The following NPHS2 variants were observed in gnomAD, a reference collection of about 807,000 sequenced individuals.
The protein encoded by NPHS2 is podocin.
A neutral mutation model predicts 37.1 loss-of-function variants in NPHS2; 36 were observed. That is an observed-to-expected ratio of 0.97 (90% CI 0.74 to 1.28). The LOEUF (loss-of-function observed/expected upper bound fraction) is 1.28, where lower values mean the gene tolerates loss of function less well. NPHS2 is among the 50% of genes most tolerant of loss of function. The probability of loss-of-function intolerance (pLI) is 0.00; values close to 1 mark genes in which losing one functional copy is unlikely to be tolerated. For missense variants in NPHS2, 447 were observed against 488.1 expected (o/e 0.92, Z 0.79); for synonymous variants, 196 against 189.3 (o/e 1.04, Z -0.29).
Position 179,557,209 on chromosome 1 carries a change from T to G in NPHS2, c.556A>C (p.Ile186Leu). The G allele has an allele frequency of 6.2e-7, 1 of 1,614,060 alleles. No homozygotes were observed. ...TAGCAAATGGCATCTATCTCCATTATAAACATGTCTTTGGTCACGATCTAG... is the reference window on the plus strand; with the variant it reads ...TAGCAAATGGCATCTATCTCCATTAGAAACATGTCTTTGGTCACGATCTAG... Reference protein sequence around the residue: ...FHEIVTKDMFIMEIDAICYYR... With the variant: ...FHEIVTKDMFLMEIDAICYYR... Residue 186 changes from isoleucine to leucine, a missense_variant, in exon 5 of 8, where the codon ATA becomes CTA. Transcript: ENST00000367615.
chr1:179,557,609 C>T (rs920383039), intron 4 of NPHS2, among the ~76,000 whole-genome samples: 5 of 152,274 alleles, frequency 3.3e-5, no homozygotes, highest in African/African-American at 4.8e-5. Context: ...TTAGGGGATG[C>T]TTTGATGATA....
At position 179,560,315 on chromosome 1, in the gene NPHS2, A is replaced by G. The variant is rs954913673; in HGVS notation, c.452-554T>C. Among the ~76,000 whole-genome samples, 4 of 152,200 alleles carry G rather than the reference A, an allele frequency of 2.6e-5. No homozygotes were observed. The South Asian group carries it at 6.2e-4, about 24-fold the overall frequency. On this transcript the variant is annotated intron_variant, in intron 3 of 7. Transcript: ENST00000367615. ...ATATAATATATAGGATCAATGTGCA[A>G]TAAACATTTGTAGATTGATTTATTG...
In NPHS2 at chr1:179,556,259, A is replaced by T. The variant is rs983203652; in HGVS notation, c.738+768T>A. ...CTCCTTCCAACTACCATGGTTCACA[A>T]CCTCCTAACCCAGTTCTGGGCCTGG... On this transcript the variant is annotated intron_variant, in intron 5 of 7. Coordinates refer to ENST00000367615, the MANE Select transcript of NPHS2 (RefSeq NM_014625.4). The surrounding 1 kb of genome is among the most constrained non-coding windows in gnomAD (Gnocchi z 4.1). Among the ~76,000 whole-genome samples the T allele has an allele frequency of 2.6e-5, 4 of 152,114 alleles. No individual in the cohort carries two copies. The highest frequency in any genetic ancestry group is 9.7e-5 in the African/African-American group (4 of 41,418).
intron 1 of NPHS2, among the ~76,000 whole-genome samples, chr1:179,566,805 G>C (rs538731599): frequency 3.9e-5 from 6 of 152,174 alleles, no homozygotes; most frequent in East Asian, 1.9e-4. Context: ...TTCCCAGCAC[G>C]ATTTATTAAA....
chr1:179,572,173 G>A (rs867525910), intron 1 of NPHS2, among the ~76,000 whole-genome samples: 2 of 152,018 alleles, frequency 1.3e-5, no homozygotes, highest in Admixed American at 6.6e-5. Flanking sequence ...GCTGTAGACC[G>A]GAGCTGTTCC....
chr1:179,554,854 A>G, intron 5 of NPHS2: 1 of 396,486 alleles, frequency 2.5e-6, no homozygotes, highest in Non-Finnish European at 4.6e-6. Flanking sequence ...GGCTCTTGAG[A>G]TGGGGATATT....
intron 4 of NPHS2, 34 bp downstream of exon 4, chr1:179,559,633 ACCATGGAAAATG>A: frequency 8.2e-7 from 1 of 1,225,900 alleles, no homozygotes; most frequent in Non-Finnish European, 1.2e-6. Context: ...CGGTAGGTAG[ACCATGGAAAATG>A]TATAGAGAAA....
chr1:179,558,717 C>CCAATTTGTCTACATCCTCTT (rs1405001469), intron 4 of NPHS2, among the ~76,000 whole-genome samples: 3 of 152,084 alleles, frequency 2.0e-5, no homozygotes, highest in Non-Finnish European at 2.9e-5. Flanking sequence ...CACGAGGGTT[C>CCAATTTGTCTACATCCTCTT]CAATTTGTCT....
Position 179,575,896 on chromosome 1 carries a change from C to A in NPHS2, c.-32G>T. ...AGCTGCCGGGCGGCTGGAGCAGCAG[C>A]GCGGGAGCGCTAGGGGCACGGGAGC... On this transcript the variant is annotated 5_prime_UTR_variant, in exon 1 of 8. Coordinates refer to ENST00000367615, the MANE Select transcript of NPHS2 (RefSeq NM_014625.4). The A allele has an allele frequency of 7.3e-7, 1 of 1,376,748 alleles. No individual in the cohort carries two copies. Among genetic ancestry groups the A allele is most frequent in the Admixed American group, 3.5e-5 (1 of 28,328 alleles). 85.3% of individuals were successfully genotyped at this position (1,376,748 alleles called of 1,614,324 possible). A position where few individuals can be genotyped will look rare whatever the true frequency, so the allele number is the denominator to read the frequency against.
At chr1:179,573,527 G>A (rs560284258) in intron 1 of NPHS2, among the ~76,000 whole-genome samples, 6 of 152,250 alleles carry the variant, frequency 3.9e-5, no homozygotes, top group East Asian at 1.9e-4. Context: ...TCTAAGGAAC[G>A]CTCATTGATA....
chr1:179,560,688 CA>C (rs1216526883), intron 3 of NPHS2, among the ~76,000 whole-genome samples: 1 of 152,090 alleles, frequency 6.6e-6, no homozygotes, highest in Non-Finnish European at 1.5e-5. Context: ...CTTAGATCTC[CA>C]AACCCCCACT....
At chr1:179,553,697 G>C (rs1205739190) in intron 6 of NPHS2, among the ~76,000 whole-genome samples, 1 of 152,124 alleles carries the variant, frequency 6.6e-6, no homozygotes, top group Admixed American at 6.6e-5. Flanking sequence ...GTACCCCTTA[G>C]TAAATATATT....
In NPHS2 at chr1:179,554,784, A is replaced by G. The variant is rs1673820050; in HGVS notation, c.739-253T>C. ...GGTCCCCAAAGATATCCCATGTCCT[A>G]ATCCCTGGAATCTGTGAATGTTACC... On this transcript the variant is annotated intron_variant, in intron 5 of 7. Transcript: ENST00000367615. 1.8e-5 allele frequency: 10 copies of G among 551,616 alleles called. No homozygotes were observed. The East Asian group carries it at 3.0e-4, about 17-fold the overall frequency. 34.2% of individuals were successfully genotyped at this position (551,616 alleles called of 1,614,324 possible).
At position 179,554,702 on chromosome 1, in the gene NPHS2, A is replaced by G. The variant is rs1673812982; in HGVS notation, c.739-171T>C. The G allele has an allele frequency of 4.9e-6, 4 of 821,666 alleles. No individual in the cohort carries two copies. In the Admixed American group the frequency reaches 8.5e-5, roughly 17 times the overall value. The allele number at this position is 821,666 out of a possible 1,614,324, so 50.9% of individuals were successfully genotyped here. A position where few individuals can be genotyped will look rare whatever the true frequency, so the allele number is the denominator to read the frequency against. On this transcript the variant is annotated intron_variant, in intron 5 of 7. Transcript: ENST00000367615. ...CCTTGCAAAGAGTTGTTTAACTTGC[A>G]TGGTGCCACCCAATAAATATCTGTG...
intron 1 of NPHS2, among the ~76,000 whole-genome samples, chr1:179,572,805 T>C (rs1003285622): frequency 6.8e-6 from 1 of 147,706 alleles, no homozygotes; most frequent in Non-Finnish European, 1.5e-5. Flanking sequence ...CCTCCTTCCC[T>C]TCTTTCTTTC....
chr1:179,574,971 T>C (rs1362267167), intron 1 of NPHS2, among the ~76,000 whole-genome samples: 4 of 152,202 alleles, frequency 2.6e-5, no homozygotes, highest in African/African-American at 9.6e-5. Context: ...TTTGGATGCC[T>C]TTTCTCATTG....
intron 5 of NPHS2, among the ~76,000 whole-genome samples, chr1:179,555,801 A>C (rs564425077): frequency 6.6e-6 from 1 of 152,310 alleles, no homozygotes; most frequent in East Asian, 1.9e-4. Flanking sequence ...TGAGACTAGA[A>C]TAGTTGGGTC....
At chr1:179,572,162 C>T (rs185590145) in intron 1 of NPHS2, among the ~76,000 whole-genome samples, 348 of 152,252 alleles carry the variant, frequency 2.3e-3, no homozygotes, top group Non-Finnish European at 3.9e-3. Flanking sequence ...TCATGCTGGG[C>T]GCTGTAGACC....
At chr1:179,553,030 T>C (rs1434929776) in intron 6 of NPHS2, among the ~76,000 whole-genome samples, 3 of 152,176 alleles carry the variant, frequency 2.0e-5, no homozygotes, top group African/African-American at 7.2e-5. Context: ...ACACTACTGA[T>C]AATAAAGATA....
Sources: allele counts gnomAD v4.1 joint callset (sites outside exome capture counted in the v4.1 genomes callset), GRCh38; gene constraint gnomAD v4.1.1; non-coding constraint Gnocchi (gnomAD v3.1); transcripts MANE v1.5; gene names NCBI Gene and HGNC (gene_info 2026-07-23, HGNC 2026-07-21).